The following ARFGEF2 variants were observed in gnomAD, a reference collection of about 807,000 sequenced individuals.
ARFGEF2 encodes the protein brefeldin A-inhibited guanine nucleotide-exchange protein 2.
ARFGEF2 carries 74 observed loss-of-function variants against 219.9 expected under a neutral mutation model. That is an observed-to-expected ratio of 0.34 (90% CI 0.28 to 0.41). The LOEUF is 0.41. Among genes scored for constraint, ARFGEF2 ranks in the 10% least tolerant of loss-of-function variants. The pLI is 1.00. For missense variants in ARFGEF2, 1,743 were observed against 2,218.3 expected, an observed-to-expected ratio of 0.79 and a Z score of 4.30; for synonymous variants, 733 against 799.2, an observed-to-expected ratio of 0.92 and a Z score of 1.40.
chr20:48,939,706 C>T (rs946442373), intron 1 of ARFGEF2, among the ~76,000 whole-genome samples: 3 of 152,336 alleles, frequency 2.0e-5, no homozygotes, highest in South Asian at 2.1e-4. Flanking sequence ...GGGCATTTCT[C>T]TTCTGTTTTC....
intron 34 of ARFGEF2, among the ~76,000 whole-genome samples, 188 bp downstream of exon 34, chr20:49,019,186 A>G (rs183013323): frequency 6.6e-6 from 1 of 152,346 alleles, no homozygotes; most frequent in East Asian, 1.9e-4. Context: ...ATGTGCAGGC[A>G]AGTACATGCA....
At chr20:49,017,882 A>G (rs147437931) in intron 33 of ARFGEF2, among the ~76,000 whole-genome samples, 253 of 152,302 alleles carry the variant, frequency 1.7e-3, no homozygotes, top group African/African-American at 5.5e-3. Flanking sequence ...GTTCTTTGAG[A>G]GCAGTCTTTT....
At chr20:48,993,895 A>T (rs2123471431) in intron 21 of ARFGEF2, among the ~76,000 whole-genome samples, 1 of 152,342 alleles carries the variant, frequency 6.6e-6, no homozygotes, top group South Asian at 2.1e-4. Flanking sequence ...AACAAGACAG[A>T]GTTAATGCCC....
chr20:49,030,547 A>G (rs2091628186), intron 37 of ARFGEF2, among the ~76,000 whole-genome samples: 1 of 151,964 alleles, frequency 6.6e-6, no homozygotes, highest in Admixed American at 6.6e-5. Context: ...TTTCTTTATA[A>G]TTTTTTTCAT....
At chr20:48,987,336 A>G (rs1423539124) in intron 16 of ARFGEF2, among the ~76,000 whole-genome samples, 3 of 152,204 alleles carry the variant, frequency 2.0e-5, no homozygotes, top group Non-Finnish European at 2.9e-5. Context: ...TTTGGACAGA[A>G]CAGTTTCTAG....
chr20:48,937,241 CT>C, intron 1 of ARFGEF2, among the ~76,000 whole-genome samples: 1 of 152,330 alleles, frequency 6.6e-6, no homozygotes, highest in Non-Finnish European at 1.5e-5. Context: ...CCACCTTCCT[CT>C]TTATCCTCAC....
chr20:49,028,475 G>C, intron 36 of ARFGEF2, 55 bp from the exon 37 acceptor site: 1 of 1,557,458 alleles, frequency 6.4e-7, no homozygotes, highest in Non-Finnish European at 8.9e-7. Flanking sequence ...GTCATACACA[G>C]TTATCAGCAT....
At chr20:48,986,426 C>T (rs765123315) in intron 16 of ARFGEF2, among the ~76,000 whole-genome samples, 46 of 151,928 alleles carry the variant, frequency 3.0e-4, no homozygotes, top group Admixed American at 9.2e-4. Context: ...GTCAGGAGTT[C>T]GAGACCAGCC....
intron 7 of ARFGEF2, 97 bp from the exon 8 acceptor site, chr20:48,965,775 G>C: frequency 6.9e-7 from 1 of 1,455,708 alleles, no homozygotes; most frequent in South Asian, 1.1e-5. Context: ...AAAAGCAACA[G>C]CTGGGAGGTT....
In ARFGEF2 at chr20:48,980,960, G is replaced by A. The variant is rs377435534; in HGVS notation, c.1959-3769G>A. Among the ~76,000 whole-genome samples the A allele has an allele frequency of 9.9e-5, 15 of 152,172 alleles. 1 individual carries two copies. The highest frequency in any genetic ancestry group is 8.3e-4 in the South Asian group (4 of 4,824). ...GTTTGCCAGTCTGTGTCTTTTAATT[G>A]GGGCATTTATCCCCATTACATTTCA... On this transcript the variant is annotated intron_variant, in intron 14 of 38. Coordinates refer to ENST00000371917, the MANE Select transcript of ARFGEF2 (RefSeq NM_006420.3).
intron 1 of ARFGEF2, among the ~76,000 whole-genome samples, chr20:48,937,828 T>C (rs1268995488): frequency 2.0e-5 from 3 of 152,172 alleles, no homozygotes; most frequent in Non-Finnish European, 1.5e-5. Context: ...GGTTTTACCT[T>C]TGCTGTGGTC....
chr20:48,964,138 G>A (rs934927359), intron 7 of ARFGEF2, among the ~76,000 whole-genome samples: 2 of 152,220 alleles, frequency 1.3e-5, no homozygotes, highest in Admixed American at 6.5e-5. Flanking sequence ...GCCAGGCGCG[G>A]TGGCTCATGC....
intron 6 of ARFGEF2, among the ~76,000 whole-genome samples, chr20:48,954,197 T>C (rs1038694879): frequency 2.0e-5 from 3 of 152,316 alleles, no homozygotes; most frequent in South Asian, 2.1e-4. Context: ...TAGCCACTCA[T>C]AGATATCCAT....
At chr20:48,998,942 A>G (rs1163622978) in intron 25 of ARFGEF2, among the ~76,000 whole-genome samples, 1 of 152,192 alleles carries the variant, frequency 6.6e-6, no homozygotes, top group African/African-American at 2.4e-5. Context: ...TTTTATTGAA[A>G]AAATTAATAT....
At chr20:49,006,158 G>T (rs1342716833) in intron 26 of ARFGEF2, among the ~76,000 whole-genome samples, 1 of 152,078 alleles carries the variant, frequency 6.6e-6, no homozygotes. Flanking sequence ...GCCGGGCGTG[G>T]TGGTGGGCGC....
At chr20:48,957,515 G>T (rs3795085) in intron 6 of ARFGEF2, among the ~76,000 whole-genome samples, 15,822 of 152,154 alleles carry the variant, frequency 0.1, 967 homozygotes, top group Non-Finnish European at 0.13. Context: ...CAGTAGTGGT[G>T]GTGATATCCC....
rs564401515 is a variant in ARFGEF2 at position 48,937,355 on chromosome 20, T to G, written c.122-3844T>G. 2.3e-4 allele frequency among the ~76,000 whole-genome samples: 35 copies of G among 152,366 alleles called. 1 individual carries two copies. In the South Asian group the frequency reaches 7.0e-3, roughly 31 times the overall value. On this transcript the variant is annotated intron_variant, in intron 1 of 38. Coordinates refer to ENST00000371917, the MANE Select transcript of ARFGEF2 (RefSeq NM_006420.3). ...CCCTTACAAAGATGCCGTTATCATC[T>G]GGGCCCCTACTGGGCCTAGTGGAGA...
chr20:49,020,773 GTAGT>G (rs930274054), intron 34 of ARFGEF2, among the ~76,000 whole-genome samples: 22 of 152,068 alleles, frequency 1.4e-4, no homozygotes. Flanking sequence ...TCCAGATAAA[GTAGT>G]TAGTTTCTGT....
chr20:48,956,046 G>C (rs1431994652), intron 6 of ARFGEF2, among the ~76,000 whole-genome samples: 1 of 152,198 alleles, frequency 6.6e-6, no homozygotes, highest in Non-Finnish European at 1.5e-5. Context: ...CTTCAGAAGA[G>C]GGAGTTGAAC....
Sources: allele counts gnomAD v4.1 joint callset (sites outside exome capture counted in the v4.1 genomes callset), GRCh38; gene constraint gnomAD v4.1.1; transcripts MANE v1.5; gene names NCBI Gene and HGNC (gene_info 2026-07-23, HGNC 2026-07-21).